Variants in PLCL1 observed in about 807,000 individuals in gnomAD.
PLCL1 encodes inactive phospholipase C-like protein 1.
A neutral mutation model predicts 84.4 loss-of-function variants in PLCL1; 41 were observed. That is an observed-to-expected ratio of 0.49 (90% CI 0.38 to 0.63). The LOEUF is 0.63. PLCL1 is among the 30% of genes least tolerant of loss of function. The probability of loss-of-function intolerance (pLI) is 0.00; values close to 1 mark genes in which losing one functional copy is unlikely to be tolerated. For missense variants in PLCL1, 1,206 were observed against 1,367.8 expected (o/e 0.88, Z 1.87); for synonymous variants, 490 against 488.3 (o/e 1.00, Z -0.05).
intron 5 of PLCL1, among the ~76,000 whole-genome samples, chr2:198,125,304 G>A (rs1213572700): frequency 2.0e-5 from 3 of 151,870 alleles, no homozygotes; most frequent in African/African-American, 7.3e-5. Flanking sequence ...TGAGTATTGG[G>A]GTTTTGCATT....
intron 3 of PLCL1, among the ~76,000 whole-genome samples, chr2:198,100,201 G>C (rs12476465): frequency 0.29 from 43,778 of 151,942 alleles, 8,008 homozygotes; most frequent in East Asian, 0.54. Context: ...ATGCATCTGG[G>C]AATACAAAGC....
At chr2:198,046,186 A>G (rs1691785507) in intron 1 of PLCL1, among the ~76,000 whole-genome samples, 1 of 152,198 alleles carries the variant, frequency 6.6e-6, no homozygotes. Flanking sequence ...TACAGTGGCA[A>G]AATTAAGTAA....
chr2:198,126,980 A>G (rs1439176048), intron 5 of PLCL1, among the ~76,000 whole-genome samples: 3 of 144,696 alleles, frequency 2.1e-5, no homozygotes, highest in Admixed American at 7.0e-5. Context: ...AGTACAGTGA[A>G]TGAGTGTGTG....
chr2:197,941,961 G>A (rs1259009371), intron 1 of PLCL1, among the ~76,000 whole-genome samples: 4 of 152,072 alleles, frequency 2.6e-5, no homozygotes, highest in Non-Finnish European at 4.4e-5. Context: ...TTCTGGGGAT[G>A]GAACTGGGGA....
intron 1 of PLCL1, among the ~76,000 whole-genome samples, chr2:197,970,376 A>G (rs1443353905): frequency 6.6e-6 from 1 of 152,222 alleles, no homozygotes; most frequent in Non-Finnish European, 1.5e-5. Context: ...ATCACCTCTT[A>G]AAGGTGCCAC....
Position 197,805,597 on chromosome 2 carries a change from C to G in PLCL1, c.240+258C>G, listed in dbSNP as rs1356411451. ...GTCTTTGCGTTCTGATGGATGCTTT[C>G]CCTCATTTTCTCTGCAAGCTTCACT... On this transcript the variant is annotated intron_variant, in intron 1 of 5. Coordinates refer to ENST00000428675, the MANE Select transcript of PLCL1 (RefSeq NM_006226.4). The surrounding 1 kb of genome is among the most constrained non-coding windows in gnomAD (Gnocchi z 4.0). Among the ~76,000 whole-genome samples, 1 of 152,192 alleles carries G rather than the reference C, an allele frequency of 6.6e-6. No homozygotes were observed. The highest frequency in any genetic ancestry group is 1.5e-5 in the Non-Finnish European group (1 of 68,028).
chr2:198,127,007 T>TG (rs1694003560), intron 5 of PLCL1, among the ~76,000 whole-genome samples: 1 of 50,536 alleles, frequency 2.0e-5, no homozygotes, highest in Non-Finnish European at 4.0e-5. Flanking sequence ...TGTGTGTGTG[T>TG]GTGTGGGGGG....
At chr2:198,018,947 C>G (rs1046767817) in intron 1 of PLCL1, among the ~76,000 whole-genome samples, 2 of 152,182 alleles carry the variant, frequency 1.3e-5, no homozygotes, top group Non-Finnish European at 2.9e-5. Context: ...GAAATATCTC[C>G]CAGCAGGGGT....
intron 5 of PLCL1, among the ~76,000 whole-genome samples, chr2:198,105,438 G>A (rs2105915246): frequency 6.6e-6 from 1 of 152,060 alleles, no homozygotes; most frequent in South Asian, 2.1e-4. Flanking sequence ...ATCGTTTGAA[G>A]TTGGGTCAAG....
intron 1 of PLCL1, among the ~76,000 whole-genome samples, chr2:197,869,574 A>G (rs1687612267): frequency 6.6e-6 from 1 of 152,162 alleles, no homozygotes; most frequent in African/African-American, 2.4e-5. Flanking sequence ...ATGTGAAGGA[A>G]GGAACAGCCA....
intron 1 of PLCL1, among the ~76,000 whole-genome samples, chr2:197,939,357 C>T (rs1167579704): frequency 6.6e-6 from 1 of 152,148 alleles, no homozygotes; most frequent in African/African-American, 2.4e-5. Context: ...ATTACAAAAT[C>T]AGAATTCTGG....
At chr2:198,120,402 A>C (rs62277910) in intron 5 of PLCL1, among the ~76,000 whole-genome samples, 14,571 of 152,006 alleles carry the variant, frequency 0.096, 815 homozygotes, top group Middle Eastern at 0.22. Flanking sequence ...TGTGCTATCA[A>C]ATGCTTGGTC....
Position 198,085,736 on chromosome 2 carries a change from G to A in PLCL1, c.2219G>A (p.Cys740Tyr), listed in dbSNP as rs1415639744. Residue 740 changes from cysteine (C) to tyrosine (Y), a missense_variant, in exon 2 of 6, where the codon TGT becomes TAT. Transcript: ENST00000428675. The surrounding 1 kb of genome is among the most constrained non-coding windows in gnomAD (Gnocchi z 5.3). ...GQNFPKPKGACAKGDVIDPYV... is the reference protein window; with the variant it reads ...GQNFPKPKGAYAKGDVIDPYV... ...AATTTCCCAAAGCCCAAGGGAGCTT[G>A]TGCCAAAGGGGATGTCATAGATCCC... 6.2e-7 allele frequency: 1 copy of A among 1,614,126 alleles called. No individual in the cohort carries two copies. Among genetic ancestry groups the A allele is most frequent in the South Asian group, 1.1e-5 (1 of 91,088 alleles).
At chr2:197,890,361 C>G (rs937432884) in intron 1 of PLCL1, among the ~76,000 whole-genome samples, 8 of 152,258 alleles carry the variant, frequency 5.3e-5, no homozygotes, top group African/African-American at 4.8e-5. Flanking sequence ...CCATTTCCTA[C>G]TTTCTTCTTC....
rs760577848 is a variant in PLCL1 at position 197,983,200 on chromosome 2, C to CTTTTTTTT, written c.241-100526_241-100519dup. ...TTTCTTTTTCTTTTTCTTTTCTTTT[C>CTTTTTTTT]TTTTTTTTTTTTTTTTTTTTTTTTT... On this transcript the variant is annotated intron_variant, in intron 1 of 5. Coordinates refer to ENST00000428675, the MANE Select transcript of PLCL1 (RefSeq NM_006226.4). 7.6e-4 allele frequency among the ~76,000 whole-genome samples: 46 copies of CTTTTTTTT among 60,280 alleles called. 2 individuals carry two copies. Among genetic ancestry groups the CTTTTTTTT allele is most frequent in the East Asian group, 3.2e-3 (6 of 1,876 alleles). 39.5% of individuals were successfully genotyped at this position (60,280 alleles called of 152,430 possible).
chr2:198,102,580 G>A (rs1006976384), intron 4 of PLCL1, among the ~76,000 whole-genome samples: 1 of 152,058 alleles, frequency 6.6e-6, no homozygotes, highest in African/African-American at 2.4e-5. Flanking sequence ...ACTCCTGGAG[G>A]CAAGTTCCCA....
At chr2:197,957,320 A>G (rs1302582144) in intron 1 of PLCL1, among the ~76,000 whole-genome samples, 2 of 151,916 alleles carry the variant, frequency 1.3e-5, no homozygotes, top group Non-Finnish European at 2.9e-5. Flanking sequence ...GGCAGAGGCC[A>G]TGTCTTTTGT....
intron 5 of PLCL1, among the ~76,000 whole-genome samples, chr2:198,104,310 C>T (rs181029401): frequency 6.4e-4 from 97 of 152,028 alleles, no homozygotes; most frequent in Admixed American, 5.2e-3. Context: ...TCTGTTTCTG[C>T]ATTAGTTTGC....
chr2:198,075,550 G>A (rs1692559445), intron 1 of PLCL1, among the ~76,000 whole-genome samples: 1 of 152,178 alleles, frequency 6.6e-6, no homozygotes, highest in African/African-American at 2.4e-5. Flanking sequence ...GGACTGGGAA[G>A]GATACAAGAG....
Sources: allele counts gnomAD v4.1 joint callset (sites outside exome capture counted in the v4.1 genomes callset), GRCh38; gene constraint gnomAD v4.1.1; non-coding constraint Gnocchi (gnomAD v3.1); transcripts MANE v1.5; gene names NCBI Gene and HGNC (gene_info 2026-07-23, HGNC 2026-07-21).